Variants in CPPED1 observed in about 807,000 individuals in gnomAD.
CPPED1 encodes the protein serine/threonine-protein phosphatase CPPED1.
CPPED1 carries 28 observed loss-of-function variants against 28.0 expected under a neutral mutation model. The ratio of observed to expected loss-of-function variants is 1.00; its 90% CI spans 0.74 to 1.37. The LOEUF is 1.37. Ranked by LOEUF, CPPED1 falls within the 40% of genes most tolerant of loss-of-function variation. The pLI, the probability that CPPED1 is intolerant of heterozygous loss-of-function variation, is 0.00. For missense variants in CPPED1, 504 were observed against 416.5 expected (o/e 1.21, Z -1.83); for synonymous variants, 198 against 180.2 (o/e 1.10, Z -0.79).
intron 1 of CPPED1, among the ~76,000 whole-genome samples, chr16:12,782,070 T>C (rs766019444): frequency 5.3e-5 from 8 of 152,114 alleles, no homozygotes; most frequent in African/African-American, 1.9e-4. Context: ...GACTCTTTTA[T>C]GTTCTTGGAA....
chr16:12,693,774 C>G (rs1405701857), intron 3 of CPPED1, among the ~76,000 whole-genome samples: 1 of 152,220 alleles, frequency 6.6e-6, no homozygotes, highest in African/African-American at 2.4e-5. Context: ...CAAAATGACA[C>G]TAATTGCTAT....
chr16:12,667,278 C>A (rs890177999), intron 3 of CPPED1, among the ~76,000 whole-genome samples: 6 of 152,106 alleles, frequency 3.9e-5, no homozygotes, highest in African/African-American at 1.4e-4. Flanking sequence ...TTAAGATTGT[C>A]TGACAAATAT....
At chr16:12,777,912 T>C (rs5015916) in intron 2 of CPPED1, among the ~76,000 whole-genome samples, 31,139 of 148,914 alleles carry the variant, frequency 0.21, 4,002 homozygotes, top group East Asian at 0.29. Context: ...TCTTTTTTTT[T>C]TTTTTTTCTT....
intron 1 of CPPED1, among the ~76,000 whole-genome samples, chr16:12,785,908 C>A (rs1033391468): frequency 6.6e-6 from 1 of 150,674 alleles, no homozygotes; most frequent in Non-Finnish European, 1.5e-5. Context: ...CTGAAGCACT[C>A]TGAGTATGAC....
intron 3 of CPPED1, among the ~76,000 whole-genome samples, chr16:12,693,415 C>T (rs996754559): frequency 6.6e-6 from 1 of 152,048 alleles, no homozygotes. Context: ...AGGCTGGTCT[C>T]GAAGTCCTGG....
chr16:12,731,578 G>A (rs1434567293), intron 2 of CPPED1, among the ~76,000 whole-genome samples: 1 of 151,758 alleles, frequency 6.6e-6, no homozygotes, highest in Non-Finnish European at 1.5e-5. Flanking sequence ...TGGTCTCTGG[G>A]GAATCTGAGA....
chr16:12,680,045 G>A (rs2079897049), intron 3 of CPPED1, among the ~76,000 whole-genome samples: 1 of 152,080 alleles, frequency 6.6e-6, no homozygotes, highest in South Asian at 2.1e-4. Flanking sequence ...TACATAATAA[G>A]ACAACCTTTG....
intron 1 of CPPED1, among the ~76,000 whole-genome samples, chr16:12,798,121 GAAAATGAAAAACCCCGACATTCA>G (rs2080638384): frequency 6.6e-6 from 1 of 151,946 alleles, no homozygotes; most frequent in Non-Finnish European, 1.5e-5. Flanking sequence ...ATAAATTTTT[GAAAATGAAAAACCCCGACATTCA>G]AAAATAAAAT....
At chr16:12,790,698 C>G (rs112538452) in intron 1 of CPPED1, among the ~76,000 whole-genome samples, 1 of 151,618 alleles carries the variant, frequency 6.6e-6, no homozygotes, top group Non-Finnish European at 1.5e-5. Context: ...AGTGGCGGGG[C>G]GGGGGTTGGA....
chr16:12,799,109 G>C (rs371800088), intron 1 of CPPED1, among the ~76,000 whole-genome samples: 1 of 152,128 alleles, frequency 6.6e-6, no homozygotes, highest in African/African-American at 2.4e-5. Context: ...GCTACACTTG[G>C]AAAACAAACT....
At chr16:12,794,813 T>C (rs904133041) in intron 1 of CPPED1, among the ~76,000 whole-genome samples, 1 of 152,216 alleles carries the variant, frequency 6.6e-6, no homozygotes, top group African/African-American at 2.4e-5. Context: ...AAGGCAGTTT[T>C]TGAGACACAC....
intron 3 of CPPED1, among the ~76,000 whole-genome samples, chr16:12,669,192 CT>C (rs2079841492): frequency 6.6e-6 from 1 of 152,068 alleles, no homozygotes; most frequent in East Asian, 1.9e-4. Context: ...GTAGATGCAC[CT>C]TAAAAATATT....
intron 2 of CPPED1, among the ~76,000 whole-genome samples, chr16:12,776,947 G>A (rs571958982): frequency 1.3e-5 from 2 of 152,148 alleles, no homozygotes; most frequent in Non-Finnish European, 2.9e-5. Flanking sequence ...TTCGCCATCT[G>A]CCATGATTGT....
chr16:12,779,826 G>C (rs111896509), intron 2 of CPPED1, among the ~76,000 whole-genome samples: 1 of 152,032 alleles, frequency 6.6e-6, no homozygotes, highest in Non-Finnish European at 1.5e-5. Flanking sequence ...TCAGAGCCTC[G>C]GTTTACAAGG....
chr16:12,701,051 G>A (rs1012991710), intron 3 of CPPED1, among the ~76,000 whole-genome samples: 1 of 151,982 alleles, frequency 6.6e-6, no homozygotes. Flanking sequence ...AACACAGTGA[G>A]ACCTCCATCT....
rs761543651 is a variant in CPPED1, at chr16:12,748,007, T to TTGGA, written c.289+33177_289+33178insTCCA. Among the ~76,000 whole-genome samples the TTGGA allele has an allele frequency of 5.5e-4, 83 of 152,286 alleles. 1 individual carries two copies. The highest frequency in any genetic ancestry group is 1.0e-3 in the Non-Finnish European group (69 of 68,022). On this transcript the variant is annotated intron_variant, in intron 2 of 3. Coordinates refer to ENST00000381774, the MANE Select transcript of CPPED1 (RefSeq NM_018340.3). ...ATTAGAAGCCCAACAACTGAAAGTG[T>TTGGA]CGGTGAGGAAACAGCCAGTGGACAT... is the stretch of plus-strand genomic sequence containing the variant.
At chr16:12,719,673 G>A (rs539797850) in intron 2 of CPPED1, among the ~76,000 whole-genome samples, 2 of 152,160 alleles carry the variant, frequency 1.3e-5, no homozygotes, top group African/African-American at 4.8e-5. Context: ...GGTCACTCAC[G>A]CCTGTAATCC....
chr16:12,701,405 G>A (rs554208622), intron 3 of CPPED1, among the ~76,000 whole-genome samples: 14 of 152,092 alleles, frequency 9.2e-5, no homozygotes, highest in Admixed American at 2.6e-4. Context: ...ATGGTGGTGC[G>A]CGCCTGTAAT....
chr16:12,703,138 G>A (rs1052880290), intron 3 of CPPED1, among the ~76,000 whole-genome samples: 1 of 152,096 alleles, frequency 6.6e-6, no homozygotes, highest in Non-Finnish European at 1.5e-5. Flanking sequence ...CCGCCTTGAC[G>A]CTTTGTTTCC....
Sources: gnomAD v4.1 joint callset for allele counts (sites outside exome capture counted in the v4.1 genomes callset) on GRCh38, gnomAD v4.1.1 for gene constraint, MANE v1.5 for transcripts, NCBI Gene and HGNC (gene_info 2026-07-23, HGNC 2026-07-21) for gene names.